Variants in OSBPL9 observed in about 807,000 individuals in gnomAD.
OSBPL9 encodes the protein oxysterol binding protein like 9.
OSBPL9 carries 40 observed loss-of-function variants against 106.6 expected under a neutral mutation model. The observed-to-expected ratio is 0.38, with a 90% CI of 0.29 to 0.49. The LOEUF is 0.49. Ranked by LOEUF, OSBPL9 falls within the 20% of genes least tolerant of loss-of-function variation. The pLI is 0.97. For synonymous variants in OSBPL9, 269 were observed against 295.4 expected (o/e 0.91, Z 0.92); for missense variants, 609 against 887.2 (o/e 0.69, Z 3.98).
chr1:51,786,760 C>G, intron 22 of OSBPL9, 143 bp downstream of exon 22: 1 of 604,496 alleles, frequency 1.7e-6, no homozygotes, highest in East Asian at 2.9e-5. Context: ...TATGTCAGAA[C>G]TACCACTTAC....
chr1:51,659,511 C>T (rs1296513752), intron 2 of OSBPL9, among the ~76,000 whole-genome samples: 6 of 151,074 alleles, frequency 4.0e-5, no homozygotes, highest in Admixed American at 2.0e-4. Context: ...AAAGAAATAG[C>T]AAAGGAAATA....
intron 4 of OSBPL9, among the ~76,000 whole-genome samples, chr1:51,727,335 G>A (rs1663317510): frequency 6.6e-6 from 1 of 152,006 alleles, no homozygotes; most frequent in Non-Finnish European, 1.5e-5. Flanking sequence ...ATAGTTTATT[G>A]TTATTTATCA....
chr1:51,781,839 G>C (rs1676459628), intron 16 of OSBPL9, among the ~76,000 whole-genome samples: 1 of 152,090 alleles, frequency 6.6e-6, no homozygotes, highest in Non-Finnish European at 1.5e-5. Context: ...ATAAGGAAAA[G>C]ATTGGATTTG....
chr1:51,638,566 A>T (rs949935154), intron 1 of OSBPL9, among the ~76,000 whole-genome samples: 9 of 151,942 alleles, frequency 5.9e-5, no homozygotes, highest in African/African-American at 2.2e-4. Context: ...GTATAAAAAA[A>T]ATTTTTTTTA....
At chr1:51,664,061 T>C (rs72898013) in intron 2 of OSBPL9, among the ~76,000 whole-genome samples, 2,461 of 152,308 alleles carry the variant, frequency 0.016, 66 homozygotes, top group African/African-American at 0.056. Flanking sequence ...TTGAGGACGA[T>C]TTGATAGTAT....
intron 2 of OSBPL9, among the ~76,000 whole-genome samples, chr1:51,664,070 A>G (rs1010445521): frequency 2.0e-5 from 3 of 152,248 alleles, no homozygotes; most frequent in Non-Finnish European, 4.4e-5. Flanking sequence ...ATTTGATAGT[A>G]TCTCCTAAAC....
chr1:51,540,010 C>G, the OSBPL9 span, among the ~76,000 whole-genome samples: 1 of 152,326 alleles, frequency 6.6e-6, no homozygotes, highest in South Asian at 2.1e-4. Flanking sequence ...CTTCCTTGAA[C>G]ATGATAAGCT....
chr1:51,522,073 A>C, the OSBPL9 span, among the ~76,000 whole-genome samples: 1 of 152,226 alleles, frequency 6.6e-6, no homozygotes, highest in African/African-American at 2.4e-5. Flanking sequence ...TTAGAAGCAC[A>C]ACTTCTAATG....
intron 1 of OSBPL9, among the ~76,000 whole-genome samples, chr1:51,621,093 G>C (rs2148624605): frequency 6.6e-6 from 1 of 152,268 alleles, no homozygotes; most frequent in Non-Finnish European, 1.5e-5. Flanking sequence ...ATTTCATCCA[G>C]CTTATACAAG....
chr1:51,684,076 T>A (rs1361224207), intron 3 of OSBPL9, among the ~76,000 whole-genome samples: 1 of 152,120 alleles, frequency 6.6e-6, no homozygotes, highest in Non-Finnish European at 1.5e-5. Flanking sequence ...CAATCATACC[T>A]CACTGTAACC....
Position 51,786,545 on chromosome 1 carries a change from A to G in OSBPL9, c.1928A>G (p.Asp643Gly), listed in dbSNP as rs1434984551. The G allele has an allele frequency of 6.2e-7, 1 of 1,607,976 alleles. No homozygotes were observed. The highest frequency in any genetic ancestry group is 1.3e-5 in the African/African-American group (1 of 74,894). ...YATGENTVFV[D>G]TKKLPIIKKK... ...TTCTAGGAAAATACAGTCTTTGTAGATACCAAGAAGTTGCCTATAATCAAG... is the reference window on the plus strand; with the variant it reads ...TTCTAGGAAAATACAGTCTTTGTAGGTACCAAGAAGTTGCCTATAATCAAG... The change falls in exon 22 of 24, where the codon GAT (aspartate) becomes GGT (glycine). Residue 643 changes from aspartate to glycine, a missense_variant. Physicochemically the swap from Asp to Gly is moderately conservative, Grantham distance 94. This residue lies in a region of OSBPL9 where 132 missense variants were observed against 158.1 expected (regional missense o/e 0.83). Transcript: ENST00000428468.
intron 1 of OSBPL9, among the ~76,000 whole-genome samples, chr1:51,578,973 C>T (rs774731163): frequency 2.6e-5 from 4 of 152,036 alleles, no homozygotes; most frequent in Non-Finnish European, 5.9e-5. Flanking sequence ...TGTATCTGTA[C>T]TTCCCAGAGT....
Position 51,788,049 on chromosome 1 carries a change from C to G in OSBPL9, c.*260C>G, listed in dbSNP as rs927521615. On this transcript the variant is annotated 3_prime_UTR_variant, in exon 24 of 24. Transcript: ENST00000428468. ...AATCAGATGATGTCTTCTCCTTTTC[C>G]AAACACCACACGTTGAAAGCATTTA... is the stretch of plus-strand genomic sequence containing the variant. 2.1e-6 allele frequency: 1 copy of G among 473,746 alleles called. No individual in the cohort carries two copies. The highest frequency in any genetic ancestry group is 2.0e-5 in the African/African-American group (1 of 50,814). The allele number at this position is 473,746 out of a possible 1,614,324, so 29.3% of individuals were successfully genotyped here.
chr1:51,584,342 G>A (rs1645236224), intron 1 of OSBPL9, among the ~76,000 whole-genome samples: 1 of 152,216 alleles, frequency 6.6e-6, no homozygotes, highest in Admixed American at 6.5e-5. Flanking sequence ...AACTCACCAT[G>A]TGACTTTAGG....
chr1:51,746,953 A>G (rs1291295321), intron 6 of OSBPL9, among the ~76,000 whole-genome samples, 196 bp downstream of exon 6: 1 of 152,194 alleles, frequency 6.6e-6, no homozygotes, highest in East Asian at 1.9e-4. Context: ...AGGATAATAT[A>G]CAGAGTTGTG....
intron 1 of OSBPL9, among the ~76,000 whole-genome samples, chr1:51,588,679 G>A (rs774412556): frequency 2.0e-5 from 3 of 152,052 alleles, no homozygotes; most frequent in Non-Finnish European, 2.9e-5. Flanking sequence ...AAAAAGACTC[G>A]CTGGTACACA....
At position 51,636,073 on chromosome 1, in the gene OSBPL9, T is replaced by A. The variant is rs182348392; in HGVS notation, c.112-15918T>A. ...CAGGTGACACAATTTATGTACTGTATGTATGTATATGTGTGTGTGTGTGTG... is the reference window on the plus strand; with the variant it reads ...CAGGTGACACAATTTATGTACTGTAAGTATGTATATGTGTGTGTGTGTGTG... On this transcript the variant is annotated intron_variant, in intron 1 of 23. Transcript: ENST00000428468. 7.6e-5 allele frequency among the ~76,000 whole-genome samples: 11 copies of A among 144,276 alleles called. No homozygotes were observed. The East Asian group carries it at 2.2e-3, about 28-fold the overall frequency. 94.7% of individuals were successfully genotyped at this position (144,276 alleles called of 152,430 possible). A position where few individuals can be genotyped will look rare whatever the true frequency, so the allele number is the denominator to read the frequency against.
the OSBPL9 span, chr1:51,519,080 C>T: frequency 3.2e-6 from 2 of 629,458 alleles, no homozygotes; most frequent in Non-Finnish European, 4.9e-6. Flanking sequence ...ACCGGCCGCC[C>T]GGCCCACAAG....
chr1:51,553,345 T>C, the OSBPL9 span, among the ~76,000 whole-genome samples: 1 of 151,890 alleles, frequency 6.6e-6, no homozygotes, highest in Admixed American at 6.6e-5. Flanking sequence ...ACCCCATCTC[T>C]ACAAAAACGT....
Sources: gnomAD v4.1 joint callset for allele counts (sites outside exome capture counted in the v4.1 genomes callset) on GRCh38, gnomAD v4.1.1 for gene constraint, gnomAD v4.1.1 regional missense constraint, MANE v1.5 for transcripts, NCBI Gene and HGNC (gene_info 2026-07-23, HGNC 2026-07-21) for gene names.